SLIT3: variants seen among roughly 807,000 people sequenced by gnomAD.
The protein encoded by SLIT3 is slit guidance ligand 3.
In SLIT3, 68 loss-of-function variants were observed where a neutral mutation model predicts 184.0. The ratio of observed to expected loss-of-function variants is 0.37; its 90% CI spans 0.30 to 0.45. SLIT3 has a LOEUF of 0.45. Ranked by LOEUF, SLIT3 falls within the 20% of genes least tolerant of loss-of-function variation. The pLI is 1.00. For missense variants in SLIT3, 1,707 were observed against 2,026.0 expected (o/e 0.84, Z 3.02); for synonymous variants, 831 against 828.6 (o/e 1.00, Z -0.05).
At chr5:169,234,697 C>T (rs542053695) in intron 3 of SLIT3, among the ~76,000 whole-genome samples, 11 of 152,182 alleles carry the variant, frequency 7.2e-5, no homozygotes, top group South Asian at 2.1e-4. Context: ...GGTGAGTCAC[C>T]GCATCCAGCC....
chr5:169,114,837 T>A (rs10516059), intron 4 of SLIT3, among the ~76,000 whole-genome samples: 40,864 of 152,172 alleles, frequency 0.27, 6,230 homozygotes, highest in Non-Finnish European at 0.35. Flanking sequence ...ACTGACATTA[T>A]AGCTGGCAGC....
intron 5 of SLIT3, among the ~76,000 whole-genome samples, chr5:168,874,369 A>G (rs1320461953): frequency 6.6e-6 from 1 of 152,180 alleles, no homozygotes; most frequent in Non-Finnish European, 1.5e-5. Flanking sequence ...GCTGTTCCCT[A>G]AAAACGGGAG....
chr5:168,964,420 A>C (rs17070687), intron 4 of SLIT3, among the ~76,000 whole-genome samples: 13,158 of 152,276 alleles, frequency 0.086, 1,507 homozygotes, highest in African/African-American at 0.26. Context: ...CATGCACTTC[A>C]AGAAAGCCTG....
intron 4 of SLIT3, among the ~76,000 whole-genome samples, chr5:169,049,194 T>C (rs1007152741): frequency 1.3e-5 from 2 of 152,188 alleles, no homozygotes; most frequent in African/African-American, 4.8e-5. Context: ...GGCCCCAGTA[T>C]ACAAAAAGTA....
chr5:168,702,824 C>G (rs1762256647), intron 26 of SLIT3, among the ~76,000 whole-genome samples: 1 of 152,062 alleles, frequency 6.6e-6, no homozygotes, highest in Admixed American at 6.5e-5. Flanking sequence ...TGGTGGCCAA[C>G]ACATGGACCG....
chr5:168,755,659 C>T, intron 16 of SLIT3, among the ~76,000 whole-genome samples: 1 of 152,092 alleles, frequency 6.6e-6, no homozygotes, highest in Non-Finnish European at 1.5e-5. Context: ...TGGTCTCCAA[C>T]TCCAGACCTC....
chr5:168,757,916 T>A (rs1755009828), intron 16 of SLIT3, among the ~76,000 whole-genome samples: 1 of 152,228 alleles, frequency 6.6e-6, no homozygotes, highest in Non-Finnish European at 1.5e-5. Context: ...ATGTAAATGA[T>A]GAAACTAAGG....
chr5:168,962,349 C>CACG (rs1561576430), intron 4 of SLIT3, among the ~76,000 whole-genome samples: 5 of 151,920 alleles, frequency 3.3e-5, no homozygotes, highest in African/African-American at 1.2e-4. Context: ...CACACACACA[C>CACG]AGTGGTACCC....
At chr5:168,952,571 T>TAAA (rs70979115) in intron 4 of SLIT3, among the ~76,000 whole-genome samples, 1,794 of 51,176 alleles carry the variant, frequency 0.035, 62 homozygotes, top group African/African-American at 0.12. Flanking sequence ...CAAAGGGATT[T>TAAA]AAAAAAAAAA....
intron 3 of SLIT3, among the ~76,000 whole-genome samples, chr5:169,206,807 T>C (rs1229381444): frequency 2.6e-5 from 4 of 152,242 alleles, no homozygotes; most frequent in African/African-American, 9.6e-5. Flanking sequence ...CCAAAGAACG[T>C]AGAATAATTA....
intron 4 of SLIT3, among the ~76,000 whole-genome samples, chr5:169,071,497 A>T (rs1048263554): frequency 6.6e-6 from 1 of 152,220 alleles, no homozygotes; most frequent in Admixed American, 6.5e-5. Context: ...GAGGGCACCC[A>T]GAGCGATAAA....
chr5:169,290,911 G>T (rs1435480066), intron 1 of SLIT3, among the ~76,000 whole-genome samples: 1 of 152,124 alleles, frequency 6.6e-6, no homozygotes. Context: ...CTAGGGCAAA[G>T]AATGGATATG....
intron 19 of SLIT3, 115 bp downstream of exon 19, chr5:168,749,357 G>T: frequency 8.2e-7 from 1 of 1,224,610 alleles, no homozygotes; most frequent in Non-Finnish European, 1.2e-6. Flanking sequence ...AGCTCCAGCT[G>T]CATGCCCAAA....
rs921772372 is a variant in SLIT3 at position 168,949,748 on chromosome 5, C to T, written c.414-66412G>A. ...CCTAGTAGCTAGGACAACAGACACA[C>T]GCCACCACACCCAGCTAATTTTTTG... On this transcript the variant is annotated intron_variant, in intron 4 of 35. Coordinates refer to ENST00000519560, the MANE Select transcript of SLIT3 (RefSeq NM_003062.4). Among the ~76,000 whole-genome samples, 5 of 152,076 alleles carry T rather than the reference C, an allele frequency of 3.3e-5. No individual in the cohort carries two copies. In the South Asian group the frequency reaches 6.2e-4, roughly 19 times the overall value.
intron 1 of SLIT3, among the ~76,000 whole-genome samples, chr5:169,258,480 G>T (rs1388490063): frequency 6.6e-6 from 1 of 152,210 alleles, no homozygotes; most frequent in African/African-American, 2.4e-5. Flanking sequence ...GCAAGCTCAA[G>T]GAGGAAGAGC....
In SLIT3 at chr5:168,661,797, T is replaced by A. The variant is rs1396604223; in HGVS notation, c.*4657A>T. 6.6e-6 allele frequency: 1 copy of A among 152,234 alleles called. No individual in the cohort carries two copies. The highest frequency in any genetic ancestry group is 1.5e-5 in the Non-Finnish European group (1 of 68,044). The allele number at this position is 152,234 out of a possible 1,614,324, so 9.4% of individuals were successfully genotyped here. The stretch of plus-strand genomic sequence containing the variant: ...CTCCTCTGTGACTCATCCATTTATT[T>A]TAATGACATCTGAATATGACAGTAT... On this transcript the variant is annotated 3_prime_UTR_variant, in exon 36 of 36. Transcript: ENST00000519560.
At chr5:169,060,991 G>C (rs1460021722) in intron 4 of SLIT3, among the ~76,000 whole-genome samples, 1 of 152,160 alleles carries the variant, frequency 6.6e-6, no homozygotes, top group Non-Finnish European at 1.5e-5. Context: ...TTCCTAAGCT[G>C]GGTGTTTTTG....
intron 4 of SLIT3, among the ~76,000 whole-genome samples, chr5:169,158,475 A>T (rs1762377659): frequency 1.3e-5 from 2 of 151,964 alleles, no homozygotes; most frequent in South Asian, 4.2e-4. Flanking sequence ...AAGATGGCTA[A>T]AAAAAAATCC....
At chr5:168,842,023 A>T (rs1413010961) in intron 6 of SLIT3, among the ~76,000 whole-genome samples, 1 of 152,210 alleles carries the variant, frequency 6.6e-6, no homozygotes, top group East Asian at 1.9e-4. Context: ...GTTCCTATTT[A>T]TTATTTCATT....
Sources: allele counts gnomAD v4.1 joint callset (sites outside exome capture counted in the v4.1 genomes callset), GRCh38; gene constraint gnomAD v4.1.1; transcripts MANE v1.5; gene names NCBI Gene and HGNC (gene_info 2026-07-23, HGNC 2026-07-21).